Variants in KIF1B observed in about 807,000 individuals in gnomAD.
The protein encoded by KIF1B is kinesin family member 1B.
A neutral mutation model predicts 241.9 loss-of-function variants in KIF1B; 76 were observed. The observed-to-expected ratio is 0.31, with a 90% CI of 0.26 to 0.38. KIF1B has a LOEUF of 0.38. Among genes scored for constraint, KIF1B ranks in the 10% least tolerant of loss-of-function variants. The probability of loss-of-function intolerance (pLI) is 1.00; values close to 1 mark genes in which losing one functional copy is unlikely to be tolerated. For synonymous variants in KIF1B, 750 were observed against 796.7 expected (o/e 0.94, Z 0.99); for missense variants, 1,622 against 2,271.4 (o/e 0.71, Z 5.81).
rs1023828177 is a variant in KIF1B at position 10,361,954 on chromosome 1, C to G, written c.4304+129C>G. The G allele has an allele frequency of 9.7e-6, 10 of 1,032,338 alleles. No homozygotes were observed. The African/African-American group carries it at 1.3e-4, about 13-fold the overall frequency. The allele number at this position is 1,032,338 out of a possible 1,614,324, so 63.9% of individuals were successfully genotyped here. A position where few individuals can be genotyped will look rare whatever the true frequency, so the allele number is the denominator to read the frequency against. Reference sequence around the variant, plus strand: ...TTATGAACCATTTTGGTAACTGACACCTGGAATGTACTGACTTGCATGCTG... The same window carrying G: ...TTATGAACCATTTTGGTAACTGACAGCTGGAATGTACTGACTTGCATGCTG... On this transcript the variant is annotated intron_variant, in intron 40 of 48. Coordinates refer to ENST00000676179, the MANE Select transcript of KIF1B (RefSeq NM_001365951.3).
At chr1:10,320,258 T>C in intron 23 of KIF1B, 122 bp downstream of exon 23, 2 of 674,748 alleles carry the variant, frequency 3.0e-6, no homozygotes, top group South Asian at 3.0e-5. Flanking sequence ...TATTGACATT[T>C]TACTGAGCCA....
At chr1:10,364,898 C>T (rs563294573) in intron 41 of KIF1B, among the ~76,000 whole-genome samples, 2 of 149,584 alleles carry the variant, frequency 1.3e-5, no homozygotes, top group East Asian at 4.0e-4. Flanking sequence ...CTCAGCTACT[C>T]GGGAGGCTGA....
intron 22 of KIF1B, among the ~76,000 whole-genome samples, chr1:10,311,138 T>A (rs1011388638): frequency 5.9e-5 from 9 of 151,332 alleles, no homozygotes; most frequent in South Asian, 2.1e-4. Context: ...CCTGGATTAT[T>A]CCTGCCAGCA....
At chr1:10,214,273 C>A (rs1209271578) in intron 1 of KIF1B, among the ~76,000 whole-genome samples, 2 of 151,824 alleles carry the variant, frequency 1.3e-5, no homozygotes, top group Non-Finnish European at 2.9e-5. Flanking sequence ...TCACACTTTA[C>A]CACTTCTTTC....
chr1:10,339,755 T>A lies in KIF1B; in HGVS notation c.3423-14T>A. 6.3e-7 allele frequency: 1 copy of A among 1,596,920 alleles called. No homozygotes were observed. Among genetic ancestry groups the A allele is most frequent in the South Asian group, 1.1e-5 (1 of 90,486 alleles). ...AATGCATTGTTCACGAGTCTTTTTA[T>A]TTTTTTTATGAAGCTTTTTGCATCG... On this transcript the variant is annotated splice_polypyrimidine_tract_variant and intron_variant, in intron 31 of 48. Transcript: ENST00000676179.
chr1:10,247,439 T>G (rs1194704396), intron 2 of KIF1B, among the ~76,000 whole-genome samples: 2 of 152,218 alleles, frequency 1.3e-5, no homozygotes, highest in Non-Finnish European at 2.9e-5. Flanking sequence ...TTTCCAACAT[T>G]ATGCTATTTG....
intron 14 of KIF1B, among the ~76,000 whole-genome samples, chr1:10,281,437 A>C (rs1004229151): frequency 2.6e-5 from 4 of 152,150 alleles, no homozygotes; most frequent in Non-Finnish European, 5.9e-5. Flanking sequence ...GTAAAAGCAA[A>C]ATTAACAGTT....
chr1:10,280,237 T>C (rs1431068441), intron 14 of KIF1B, among the ~76,000 whole-genome samples: 2 of 152,114 alleles, frequency 1.3e-5, no homozygotes, highest in Non-Finnish European at 2.9e-5. Context: ...TTTTTTTTCT[T>C]TTTTCTTTTC....
intron 1 of KIF1B, among the ~76,000 whole-genome samples, chr1:10,224,039 G>T (rs1043387473): frequency 6.6e-6 from 1 of 152,174 alleles, no homozygotes; most frequent in Non-Finnish European, 1.5e-5. Context: ...CTGAGCTCAA[G>T]CCATCTGCCT....
rs34449939 is a variant in KIF1B at position 10,240,721 on chromosome 1, ATTTTTTTT to A, written c.106+8301_106+8308del. 3.0e-4 allele frequency among the ~76,000 whole-genome samples: 33 copies of A among 110,094 alleles called. 2 individuals carry two copies. Among genetic ancestry groups the A allele is most frequent in the African/African-American group, 9.6e-4 (28 of 29,136 alleles). 72.2% of individuals were successfully genotyped at this position (110,094 alleles called of 152,430 possible). Reference sequence around the variant, plus strand: ...GGATTTAAGAATTTATGGGTAGTTCATTTTTTTTTTTTTTTTTTTTTGGTAGAGACAGA... The same window carrying A: ...GGATTTAAGAATTTATGGGTAGTTCATTTTTTTTTTTTTGGTAGAGACAGA... On this transcript the variant is annotated intron_variant, in intron 2 of 48. Coordinates refer to ENST00000676179, the MANE Select transcript of KIF1B (RefSeq NM_001365951.3).
At chr1:10,317,539 A>C (rs1651352328) in intron 22 of KIF1B, among the ~76,000 whole-genome samples, 1 of 151,346 alleles carries the variant, frequency 6.6e-6, no homozygotes, top group Admixed American at 6.6e-5. Context: ...TTATAAAAAA[A>C]CATTGCCTGA....
At chr1:10,304,312 C>G in intron 22 of KIF1B, 1 of 1,614,232 alleles carries the variant, frequency 6.2e-7, no homozygotes, top group South Asian at 1.1e-5. Context: ...TAATCAGCAA[C>G]AGCCACCTCA....
rs149387941 is a variant in KIF1B, at chr1:10,362,892, G to A, written c.4305-391G>A. Among the ~76,000 whole-genome samples the A allele has an allele frequency of 9.9e-3, 1,500 of 152,180 alleles. 19 individuals carry two copies. Among genetic ancestry groups the A allele is most frequent in the African/African-American group, 0.034 (1,406 of 41,514 alleles). ...TCAAGACCAGCCTGGGCAACATAAG[G>A]AGACCCTATCTCTACAAAAAAACTT... On this transcript the variant is annotated intron_variant, in intron 40 of 48. Transcript: ENST00000676179.
intron 17 of KIF1B, 114 bp downstream of exon 17, chr1:10,292,236 T>TG: frequency 1.3e-6 from 1 of 799,188 alleles, no homozygotes; most frequent in East Asian, 2.5e-5. Flanking sequence ...TCTTGATACT[T>TG]GCCTTAATTT....
intron 32 of KIF1B, among the ~76,000 whole-genome samples, 155 bp from the exon 33 acceptor site, chr1:10,341,895 C>T (rs907024933): frequency 2.7e-5 from 4 of 150,076 alleles, no homozygotes; most frequent in African/African-American, 7.4e-5. Context: ...TGCTTGAGCC[C>T]GGGAGGGTGA....
chr1:10,342,039 C>A lies in KIF1B; in HGVS notation c.3514-11C>A. ...TTCTTGTAATCTTTTCCTAATCTTGCTTGGCTTTAGATTGCAGTGGAGATC... is the reference window on the plus strand; with the variant it reads ...TTCTTGTAATCTTTTCCTAATCTTGATTGGCTTTAGATTGCAGTGGAGATC... On this transcript the variant is annotated splice_polypyrimidine_tract_variant and intron_variant, in intron 32 of 48. Coordinates refer to ENST00000676179, the MANE Select transcript of KIF1B (RefSeq NM_001365951.3). 1 of 1,507,590 alleles carries A rather than the reference C, an allele frequency of 6.6e-7. No individual in the cohort carries two copies. Among genetic ancestry groups the A allele is most frequent in the Non-Finnish European group, 9.2e-7 (1 of 1,083,714 alleles). 93.4% of individuals were successfully genotyped at this position (1,507,590 alleles called of 1,614,324 possible). A position where few individuals can be genotyped will look rare whatever the true frequency, so the allele number is the denominator to read the frequency against.
chr1:10,358,345 C>G (rs1329096549), intron 38 of KIF1B, among the ~76,000 whole-genome samples: 2 of 152,120 alleles, frequency 1.3e-5, no homozygotes, highest in Non-Finnish European at 2.9e-5. Flanking sequence ...GTCATGAAAC[C>G]TCAGCAGTGG....
rs1474770047 is a variant in KIF1B, at chr1:10,337,910, A to G, written c.3422+377A>G. On this transcript the variant is annotated intron_variant, in intron 31 of 48. Transcript: ENST00000676179. The surrounding 1 kb of genome is among the most constrained non-coding windows in gnomAD (Gnocchi z 4.0). The stretch of plus-strand genomic sequence containing the variant: ...ACTTATCTAGCTAGCAATTACGCCT[A>G]TTTAATACTCGGGAAAAGGAAAATT... Among the ~76,000 whole-genome samples the G allele has an allele frequency of 2.6e-5, 4 of 152,184 alleles. No homozygotes were observed. The highest frequency in any genetic ancestry group is 6.5e-5 in the Admixed American group (1 of 15,274).
chr1:10,260,325 G>A (rs1175083513), intron 4 of KIF1B, among the ~76,000 whole-genome samples: 1 of 152,202 alleles, frequency 6.6e-6, no homozygotes, highest in Admixed American at 6.5e-5. Context: ...TTACACTGGA[G>A]CTTGCAGGGC....
Sources: allele counts gnomAD v4.1 joint callset (sites outside exome capture counted in the v4.1 genomes callset), GRCh38; gene constraint gnomAD v4.1.1; non-coding constraint Gnocchi (gnomAD v3.1); transcripts MANE v1.5; gene names NCBI Gene and HGNC (gene_info 2026-07-23, HGNC 2026-07-21).